The following ARHGAP15 variants were observed in gnomAD, a reference collection of about 807,000 sequenced individuals.
ARHGAP15 encodes Rho GTPase activating protein 15.
ARHGAP15 carries 51 observed loss-of-function variants against 63.7 expected under a neutral mutation model. The ratio of observed to expected loss-of-function variants is 0.80; its 90% CI spans 0.64 to 1.01. The LOEUF (loss-of-function observed/expected upper bound fraction) is 1.01, where lower values mean the gene tolerates loss of function less well. Among genes scored for constraint, ARHGAP15 ranks in the 50% least tolerant of loss-of-function variants. The pLI, the probability that ARHGAP15 is intolerant of heterozygous loss-of-function variation, is 0.00. For synonymous variants in ARHGAP15, 191 were observed against 193.8 expected (o/e 0.99, Z 0.12); for missense variants, 560 against 564.6 (o/e 0.99, Z 0.08).
chr2:143,319,766 G>C (rs914253840), intron 6 of ARHGAP15, among the ~76,000 whole-genome samples: 2 of 152,026 alleles, frequency 1.3e-5, no homozygotes, highest in Admixed American at 6.5e-5. Context: ...CCTTTTATGT[G>C]TTCTGTGCAC....
chr2:143,236,239 T>A, intron 5 of ARHGAP15: 1 of 308,350 alleles, frequency 3.2e-6, no homozygotes, highest in Non-Finnish European at 5.9e-6. Flanking sequence ...AGAGACATAA[T>A]TTTGTATAGG....
chr2:143,344,183 C>G (rs1035385498), intron 6 of ARHGAP15: 1 of 152,066 alleles, frequency 6.6e-6, no homozygotes, highest in African/African-American at 2.4e-5. Context: ...TTAGTTTTCT[C>G]AGATGGTTGT....
At chr2:143,718,870 G>GCAATAAAA in intron 13 of ARHGAP15, among the ~76,000 whole-genome samples, 1 of 152,216 alleles carries the variant, frequency 6.6e-6, no homozygotes, top group Non-Finnish European at 1.5e-5. Flanking sequence ...AAGCAATAAA[G>GCAATAAAA]CTCTAGGATC....
intron 4 of ARHGAP15, among the ~76,000 whole-genome samples, chr2:143,220,877 T>A (rs1486128646): frequency 6.6e-6 from 1 of 152,216 alleles, no homozygotes; most frequent in Non-Finnish European, 1.5e-5. Flanking sequence ...TCTTTATCAG[T>A]AATACTTAAA....
At chr2:143,561,273 C>T (rs1196426354) in intron 11 of ARHGAP15, among the ~76,000 whole-genome samples, 1 of 152,136 alleles carries the variant, frequency 6.6e-6, no homozygotes, top group Non-Finnish European at 1.5e-5. Flanking sequence ...TTTAGACATC[C>T]TCTTTCACCC....
chr2:143,225,528 G>C (rs1693175828), intron 4 of ARHGAP15, among the ~76,000 whole-genome samples: 2 of 152,314 alleles, frequency 1.3e-5, no homozygotes, highest in East Asian at 3.9e-4. Context: ...ATGAACCCAG[G>C]AGGCGGAGAT....
chr2:143,537,790 T>A lies in ARHGAP15; in HGVS notation c.925+18426T>A, dbSNP rs184806469. 7.9e-4 allele frequency among the ~76,000 whole-genome samples: 121 copies of A among 152,254 alleles called. 1 individual carries two copies. The East Asian group carries it at 0.017, about 22-fold the overall frequency. On this transcript the variant is annotated intron_variant, in intron 10 of 13. Coordinates refer to ENST00000295095, the MANE Select transcript of ARHGAP15 (RefSeq NM_018460.4). ...TGTTTTGGTTACTGTAGCCTTGTAG[T>A]GTAGTTTGAAGTCAGGTAGCATGAT... is the stretch of plus-strand genomic sequence containing the variant.
At chr2:143,366,648 A>G (rs951613028) in intron 6 of ARHGAP15, among the ~76,000 whole-genome samples, 2 of 152,092 alleles carry the variant, frequency 1.3e-5, no homozygotes, top group African/African-American at 4.8e-5. Flanking sequence ...TTCTATAAAA[A>G]TCTATATGTT....
intron 13 of ARHGAP15, among the ~76,000 whole-genome samples, chr2:143,749,019 AT>A: frequency 6.6e-6 from 1 of 152,228 alleles, no homozygotes; most frequent in East Asian, 1.9e-4. Flanking sequence ...AAAAATACAC[AT>A]TACAACTCAA....
intron 10 of ARHGAP15, 36 bp downstream of exon 10, chr2:143,519,400 C>T (rs766658568): frequency 1.3e-6 from 2 of 1,522,500 alleles, no homozygotes; most frequent in Non-Finnish European, 1.8e-6. Flanking sequence ...CCCCCCATTA[C>T]TGCACCCTCT....
intron 12 of ARHGAP15, among the ~76,000 whole-genome samples, chr2:143,684,289 G>C (rs530763189): frequency 6.6e-6 from 1 of 152,242 alleles, no homozygotes; most frequent in East Asian, 1.9e-4. Context: ...TAAAAATGTG[G>C]ATCCAGGAGA....
intron 6 of ARHGAP15, among the ~76,000 whole-genome samples, chr2:143,389,036 A>T (rs1687424090): frequency 6.6e-6 from 1 of 151,550 alleles, no homozygotes; most frequent in Non-Finnish European, 1.5e-5. Context: ...AAATTGTCTC[A>T]TATGCCTTGA....
intron 2 of ARHGAP15, among the ~76,000 whole-genome samples, chr2:143,164,146 C>T (rs1028028945): frequency 2.6e-5 from 4 of 152,004 alleles, no homozygotes; most frequent in African/African-American, 9.7e-5. Context: ...TGTTCAGATT[C>T]GGTTTATTGT....
At chr2:143,703,670 C>A in intron 13 of ARHGAP15, 146 bp downstream of exon 13, 1 of 604,148 alleles carries the variant, frequency 1.7e-6, no homozygotes, top group African/African-American at 1.9e-5. Flanking sequence ...TCTGCAGAAG[C>A]TGGAGAATGT....
chr2:143,262,582 G>A (rs968284591), intron 6 of ARHGAP15, among the ~76,000 whole-genome samples: 15 of 122,964 alleles, frequency 1.2e-4, no homozygotes, highest in African/African-American at 3.2e-4. Flanking sequence ...CCTGTTCACT[G>A]TAGTTGACAG....
At chr2:143,497,959 C>T (rs1440687833) in intron 9 of ARHGAP15, among the ~76,000 whole-genome samples, 2 of 152,172 alleles carry the variant, frequency 1.3e-5, no homozygotes, top group African/African-American at 2.4e-5. Context: ...CAGATATCCT[C>T]ATTAGGGACC....
intron 11 of ARHGAP15, among the ~76,000 whole-genome samples, chr2:143,602,201 CA>C (rs1444390636): frequency 6.6e-6 from 1 of 152,106 alleles, no homozygotes; most frequent in African/African-American, 2.4e-5. Flanking sequence ...ACAAAAATAA[CA>C]TTATACAGCT....
At chr2:143,268,357 A>G (rs968508568) in intron 6 of ARHGAP15, among the ~76,000 whole-genome samples, 19 of 152,268 alleles carry the variant, frequency 1.2e-4, no homozygotes, top group Admixed American at 9.8e-4. Context: ...TGAAAAATTT[A>G]CACCTTCTGA....
intron 6 of ARHGAP15, among the ~76,000 whole-genome samples, chr2:143,341,116 C>T (rs1191376635): frequency 1.3e-5 from 2 of 152,024 alleles, no homozygotes; most frequent in Admixed American, 1.3e-4. Flanking sequence ...TAGAAGCCAG[C>T]GGGTCCTGCT....
Sources: gnomAD v4.1 joint callset for allele counts (sites outside exome capture counted in the v4.1 genomes callset) on GRCh38, gnomAD v4.1.1 for gene constraint, MANE v1.5 for transcripts, NCBI Gene and HGNC (gene_info 2026-07-23, HGNC 2026-07-21) for gene names.